XRCC6: variants seen among roughly 807,000 people sequenced by gnomAD.
XRCC6 encodes X-ray repair cross complementing 6.
Under a neutral mutation model 65.7 loss-of-function variants are expected in XRCC6, and 5 were observed. The ratio of observed to expected loss-of-function variants is 0.08; its 90% CI spans 0.04 to 0.16. The LOEUF is 0.16. XRCC6 is among the 10% of genes least tolerant of loss of function. XRCC6 has a pLI of 1.00. For synonymous variants in XRCC6, 270 were observed against 270.6 expected, an observed-to-expected ratio of 1.00 and a Z score of 0.02; for missense variants, 447 against 738.1, an observed-to-expected ratio of 0.61 and a Z score of 4.57.
At chr22:41,627,135 C>G (rs561256980) in intron 2 of XRCC6, among the ~76,000 whole-genome samples, 18 of 152,148 alleles carry the variant, frequency 1.2e-4, no homozygotes, top group Admixed American at 1.1e-3. Flanking sequence ...GTGTATAACA[C>G]AAAGCATCTT....
chr22:41,636,530 C>T lies in XRCC6; in HGVS notation c.349C>T (p.Leu117=). 1 of 1,613,904 alleles carries T rather than the reference C, an allele frequency of 6.2e-7. No homozygotes were observed. The highest frequency in any genetic ancestry group is 8.5e-7 in the Non-Finnish European group (1 of 1,179,848). The change falls in exon 5 of 13, where the codon CTA becomes TTA. Residue 117 remains leucine, a synonymous_variant. Transcript: ENST00000360079. The part of the protein sequence containing the change: ...ELDNPGAKRI[L]ELDQFKGQQG... ...CCTCTGATCAGGTGCAAAACGAATTCTAGAGCTTGACCAGTTTAAGGGGCA... is the reference window on the plus strand; with the variant it reads ...CCTCTGATCAGGTGCAAAACGAATTTTAGAGCTTGACCAGTTTAAGGGGCA...
chr22:41,660,760 A>G (rs1158414896), intron 11 of XRCC6, among the ~76,000 whole-genome samples: 1 of 152,068 alleles, frequency 6.6e-6, no homozygotes, highest in African/African-American at 2.4e-5. Context: ...ACTCCACTGC[A>G]TCGTTTTTAT....
At chr22:41,650,619 C>T in intron 7 of XRCC6, 104 bp from the exon 8 acceptor site, 2 of 1,277,954 alleles carry the variant, frequency 1.6e-6, no homozygotes, top group Non-Finnish European at 2.2e-6. Flanking sequence ...TCTTCCTGCT[C>T]CTTAGAAGAG....
chr22:41,634,004 G>A (rs2067784166), intron 3 of XRCC6, among the ~76,000 whole-genome samples: 1 of 152,152 alleles, frequency 6.6e-6, no homozygotes, highest in Admixed American at 6.6e-5. Context: ...CCTCAGAGTA[G>A]ATTAAAATAT....
chr22:41,643,010 C>T (rs2067894110), intron 6 of XRCC6, among the ~76,000 whole-genome samples: 1 of 152,214 alleles, frequency 6.6e-6, no homozygotes, highest in African/African-American at 2.4e-5. Flanking sequence ...ACCTGTATAT[C>T]TTCGAACTAT....
intron 6 of XRCC6, among the ~76,000 whole-genome samples, chr22:41,642,939 C>T (rs1226148973): frequency 6.6e-6 from 1 of 152,172 alleles, no homozygotes; most frequent in Admixed American, 6.5e-5. Context: ...GGTGCTTGCC[C>T]CAGGAACCAA....
intron 10 of XRCC6, 33 bp downstream of exon 10, chr22:41,657,065 C>T (rs1046396201): frequency 6.5e-7 from 1 of 1,533,554 alleles, no homozygotes; most frequent in Non-Finnish European, 8.7e-7. Context: ...GGAACTGCCT[C>T]CTGAGTTGAA....
intron 6 of XRCC6, among the ~76,000 whole-genome samples, chr22:41,641,608 C>A (rs28741125): frequency 0.04 from 6,109 of 152,200 alleles, 265 homozygotes; most frequent in African/African-American, 0.093. Context: ...ATCACTACCC[C>A]CTTACCCTTC....
chr22:41,660,579 C>T (rs1037308890), intron 11 of XRCC6, among the ~76,000 whole-genome samples: 7 of 152,112 alleles, frequency 4.6e-5, no homozygotes, highest in African/African-American at 7.2e-5. Flanking sequence ...TCCATGACCT[C>T]ATCATACCCA....
intron 3 of XRCC6, among the ~76,000 whole-genome samples, chr22:41,630,504 T>TA (rs55880871): frequency 7.5e-5 from 11 of 147,448 alleles, no homozygotes; most frequent in African/African-American, 1.5e-4. Context: ...TTTTTTTTTT[T>TA]AATTTATTTT....
chr22:41,653,543 T>C lies in XRCC6; in HGVS notation c.1144T>C (p.Phe382Leu). ...TTGTTTTCTAGGGAGCTCAACCCTG[T>C]TCAGTGCTCTGCTCATCAAGTGTCT... ...ESLVIGSSTL[F>L]SALLIKCLEK... The change falls in exon 9 of 13, where the codon TTC (phenylalanine) becomes CTC (leucine). Residue 382 changes from phenylalanine to leucine, a missense_variant. By Grantham distance (22) the Phe-to-Leu change is conservative. This residue lies in a region of XRCC6 where 201 missense variants were observed against 374.1 expected (regional missense o/e 0.54). Coordinates refer to ENST00000360079, the MANE Select transcript of XRCC6 (RefSeq NM_001469.5). 1 of 1,610,620 alleles carries C rather than the reference T, an allele frequency of 6.2e-7. No homozygotes were observed. The highest frequency in any genetic ancestry group is 1.1e-5 in the South Asian group (1 of 90,850).
At chr22:41,654,717 C>T (rs2068029435) in intron 9 of XRCC6, among the ~76,000 whole-genome samples, 1 of 152,134 alleles carries the variant, frequency 6.6e-6, no homozygotes, top group Non-Finnish European at 1.5e-5. Flanking sequence ...GGGTGAAGCT[C>T]AGAGAAGGCC....
intron 3 of XRCC6, among the ~76,000 whole-genome samples, chr22:41,634,890 G>A (rs2067793573): frequency 6.6e-6 from 1 of 152,140 alleles, no homozygotes; most frequent in South Asian, 2.1e-4. Context: ...GCTGACATTA[G>A]TTTATATAGA....
chr22:41,636,892 C>T lies in XRCC6; in HGVS notation c.589+122C>T. ...CCTCCCAAGTAGCTGGGACTATAAG[C>T]ATGTGCTGTTGTGCCCAGTGCAGTT... On this transcript the variant is annotated intron_variant, in intron 5 of 12. Transcript: ENST00000360079. The T allele has an allele frequency of 3.0e-6, 4 of 1,324,390 alleles. No individual in the cohort carries two copies. The South Asian group carries it at 6.2e-5, about 21-fold the overall frequency. 82.0% of individuals were successfully genotyped at this position (1,324,390 alleles called of 1,614,324 possible). A position where few individuals can be genotyped will look rare whatever the true frequency, so the allele number is the denominator to read the frequency against.
At chr22:41,650,123 G>C (rs1053004921) in intron 7 of XRCC6, among the ~76,000 whole-genome samples, 9 of 151,878 alleles carry the variant, frequency 5.9e-5, no homozygotes, top group Middle Eastern at 6.8e-3. Flanking sequence ...TTTTGTGTTG[G>C]GGGGATAGAG....
chr22:41,638,496 T>C (rs946288161), intron 6 of XRCC6, among the ~76,000 whole-genome samples: 3 of 152,006 alleles, frequency 2.0e-5, no homozygotes, highest in Non-Finnish European at 2.9e-5. Context: ...AATAAAAATA[T>C]GATATAGGCC....
At chr22:41,623,057 C>T (rs2067628570) in intron 2 of XRCC6, among the ~76,000 whole-genome samples, 1 of 151,936 alleles carries the variant, frequency 6.6e-6, no homozygotes, top group Non-Finnish European at 1.5e-5. Flanking sequence ...ATTTTTCTTT[C>T]AAGTATCTTT....
chr22:41,643,767 G>T (rs1381407731), intron 6 of XRCC6, among the ~76,000 whole-genome samples: 3 of 151,540 alleles, frequency 2.0e-5, no homozygotes, highest in Non-Finnish European at 4.4e-5. Context: ...GTTGCAGTGA[G>T]CTGAGATTGC....
At chr22:41,653,887 C>T (rs189393827) in intron 9 of XRCC6, among the ~76,000 whole-genome samples, 197 bp downstream of exon 9, 38 of 152,224 alleles carry the variant, frequency 2.5e-4, no homozygotes, top group Non-Finnish European at 4.0e-4. Flanking sequence ...GCACAGCATG[C>T]GCAGCCGTAC....
Sources: gnomAD v4.1 joint callset for allele counts (sites outside exome capture counted in the v4.1 genomes callset) on GRCh38, gnomAD v4.1.1 for gene constraint, gnomAD v4.1.1 regional missense constraint, MANE v1.5 for transcripts, NCBI Gene and HGNC (gene_info 2026-07-23, HGNC 2026-07-21) for gene names.